The following PSMD14 variants were observed in gnomAD, a reference collection of about 807,000 sequenced individuals.
PSMD14 encodes the protein proteasome 26S subunit, non-ATPase 14.
PSMD14 carries 7 observed loss-of-function variants against 41.2 expected under a neutral mutation model. The observed-to-expected ratio is 0.17, with a 90% CI of 0.10 to 0.32. The LOEUF (loss-of-function observed/expected upper bound fraction) is 0.32, where lower values mean the gene tolerates loss of function less well. Ranked by LOEUF, PSMD14 falls within the 10% of genes least tolerant of loss-of-function variation. The pLI is 1.00. For missense variants in PSMD14, 139 were observed against 375.6 expected, an observed-to-expected ratio of 0.37 and a Z score of 5.21; for synonymous variants, 114 against 122.3, an observed-to-expected ratio of 0.93 and a Z score of 0.45.
In PSMD14 at chr2:161,329,836, C is replaced by T. The variant is rs1236429703; in HGVS notation, c.48+10963C>T. ...CAGGTCAAAAGCAAGCTAATTAGAG[C>T]ATATTCTTTCTAGTCGTCATTGTAG... On this transcript the variant is annotated intron_variant, in intron 3 of 11. Coordinates refer to ENST00000409682, the MANE Select transcript of PSMD14 (RefSeq NM_005805.6). Among the ~76,000 whole-genome samples the T allele has an allele frequency of 2.6e-5, 4 of 152,104 alleles. No homozygotes were observed. In the East Asian group the frequency reaches 7.7e-4, roughly 29 times the overall value.
At chr2:161,350,583 C>A (rs1055585732) in intron 3 of PSMD14, among the ~76,000 whole-genome samples, 1 of 152,106 alleles carries the variant, frequency 6.6e-6, no homozygotes, top group South Asian at 2.1e-4. Flanking sequence ...TAACTTTGAA[C>A]CTTGTAATGT....
intron 10 of PSMD14, among the ~76,000 whole-genome samples, chr2:161,403,674 A>C (rs957245877): frequency 6.6e-6 from 1 of 151,814 alleles, no homozygotes; most frequent in Non-Finnish European, 1.5e-5. Flanking sequence ...ATTTCTTATC[A>C]CTGTTGTGTT....
At chr2:161,344,050 G>T (rs985272618) in intron 3 of PSMD14, among the ~76,000 whole-genome samples, 4 of 150,844 alleles carry the variant, frequency 2.7e-5, no homozygotes, top group African/African-American at 9.8e-5. Context: ...ATTATTTAAA[G>T]TGTATGGAGG....
intron 6 of PSMD14, 23 bp downstream of exon 6, chr2:161,370,200 TAAAG>T: frequency 6.8e-6 from 10 of 1,471,358 alleles, no homozygotes; most frequent in Non-Finnish European, 9.2e-6. Flanking sequence ...AATGATCAGT[TAAAG>T]AAATAATGGG....
At chr2:161,401,547 T>G (rs1474930195) in intron 10 of PSMD14, among the ~76,000 whole-genome samples, 4 of 152,222 alleles carry the variant, frequency 2.6e-5, no homozygotes, top group Non-Finnish European at 5.9e-5. Flanking sequence ...AAGGGGAAGA[T>G]GGACATTAAG....
chr2:161,342,418 G>A (rs1279798759), intron 3 of PSMD14, among the ~76,000 whole-genome samples: 1 of 151,668 alleles, frequency 6.6e-6, no homozygotes, highest in Non-Finnish European at 1.5e-5. Flanking sequence ...CTCCTTTGTT[G>A]TAATAAGATG....
chr2:161,338,280 G>A (rs1682896782), intron 3 of PSMD14, among the ~76,000 whole-genome samples: 1 of 151,720 alleles, frequency 6.6e-6, no homozygotes, highest in South Asian at 2.1e-4. Flanking sequence ...GTGTGCACAT[G>A]TGCGTGAGCA....
intron 3 of PSMD14, among the ~76,000 whole-genome samples, chr2:161,322,714 A>G (rs1330903576): frequency 6.6e-6 from 1 of 152,034 alleles, no homozygotes; most frequent in Non-Finnish European, 1.5e-5. Flanking sequence ...TAATGGAGGA[A>G]TTCACAGTAA....
At chr2:161,385,403 G>C (rs781116526) in intron 7 of PSMD14, 61 bp from the exon 8 acceptor site, 259 of 891,728 alleles carry the variant, frequency 2.9e-4, no homozygotes, top group Non-Finnish European at 4.3e-4. Context: ...CTTGTCCACT[G>C]TTGCTTGGCA....
chr2:161,318,175 A>G (rs1203070344), intron 2 of PSMD14, among the ~76,000 whole-genome samples: 1 of 152,214 alleles, frequency 6.6e-6, no homozygotes, highest in Admixed American at 6.5e-5. Context: ...ATATATCTCT[A>G]CAACATCTGA....
At chr2:161,361,368 A>G (rs528157033) in intron 3 of PSMD14, among the ~76,000 whole-genome samples, 5 of 152,316 alleles carry the variant, frequency 3.3e-5, no homozygotes, top group African/African-American at 1.2e-4. Flanking sequence ...TATCAATACA[A>G]CTGAAAAGAT....
chr2:161,334,645 G>A lies in PSMD14; in HGVS notation c.48+15772G>A, dbSNP rs536817810. ...GTATAAGAAAGAGAAAATGGGAACA[G>A]ATGTGACCATGTTGATGGAAGAATA... On this transcript the variant is annotated intron_variant, in intron 3 of 11. Transcript: ENST00000409682. Among the ~76,000 whole-genome samples the A allele has an allele frequency of 6.4e-4, 97 of 152,394 alleles. 1 individual carries two copies. Among genetic ancestry groups the A allele is most frequent in the South Asian group, 4.1e-4 (2 of 4,834 alleles).
At chr2:161,344,915 C>T (rs1008876059) in intron 3 of PSMD14, among the ~76,000 whole-genome samples, 1 of 152,172 alleles carries the variant, frequency 6.6e-6, no homozygotes, top group African/African-American at 2.4e-5. Context: ...CAGTCTTCTT[C>T]TCTTTTTTGA....
chr2:161,390,329 A>G (rs1042565041), intron 8 of PSMD14, among the ~76,000 whole-genome samples: 4 of 152,182 alleles, frequency 2.6e-5, no homozygotes, highest in African/African-American at 9.6e-5. Context: ...TCTGACTTTC[A>G]TGTTTTTCTA....
At chr2:161,393,876 GTCC>G (rs1424311663) in intron 9 of PSMD14, among the ~76,000 whole-genome samples, 8 of 151,466 alleles carry the variant, frequency 5.3e-5, no homozygotes, top group Non-Finnish European at 1.2e-4. Flanking sequence ...AGAATTGTAA[GTCC>G]AATTTGAGAA....
At position 161,344,276 on chromosome 2, in the gene PSMD14, T is replaced by C. The variant is rs904028409; in HGVS notation, c.49-23202T>C. ...GATTGAGTGGCTTAAATAACAGATATTCATTTCTCATAGTTCTGGAGGCTG... is the reference window on the plus strand; with the variant it reads ...GATTGAGTGGCTTAAATAACAGATACTCATTTCTCATAGTTCTGGAGGCTG... On this transcript the variant is annotated intron_variant, in intron 3 of 11. Transcript: ENST00000409682. Among the ~76,000 whole-genome samples the C allele has an allele frequency of 7.9e-5, 12 of 152,276 alleles. No homozygotes were observed. In the South Asian group the frequency reaches 1.5e-3, roughly 18 times the overall value.
intron 7 of PSMD14, chr2:161,384,515 G>A (rs1309679920): frequency 1.4e-5 from 2 of 140,384 alleles, no homozygotes; most frequent in African/African-American, 2.7e-5. Flanking sequence ...AATCTTAATC[G>A]TTCAGCACTT....
intron 10 of PSMD14, among the ~76,000 whole-genome samples, chr2:161,403,988 CTT>C (rs1683916613): frequency 1.3e-5 from 2 of 151,928 alleles, no homozygotes; most frequent in South Asian, 4.2e-4. Flanking sequence ...TCACTGCAGT[CTT>C]GAACTCCTGA....
intron 3 of PSMD14, among the ~76,000 whole-genome samples, chr2:161,323,578 A>C (rs1327063922): frequency 6.6e-6 from 1 of 152,000 alleles, no homozygotes; most frequent in East Asian, 1.9e-4. Context: ...CAGGAGAATC[A>C]CTTGAACCCA....
Sources: gnomAD v4.1 joint callset for allele counts (sites outside exome capture counted in the v4.1 genomes callset) on GRCh38, gnomAD v4.1.1 for gene constraint, MANE v1.5 for transcripts, NCBI Gene and HGNC (gene_info 2026-07-23, HGNC 2026-07-21) for gene names.